Variants in IGF1 observed in about 807,000 individuals in gnomAD.
The protein encoded by IGF1 is insulin-like growth factor 1.
In IGF1, 4 loss-of-function variants were observed where a neutral mutation model predicts 13.8. The observed-to-expected ratio is 0.29, with a 90% confidence interval of 0.14 to 0.66. The LOEUF (loss-of-function observed/expected upper bound fraction) is 0.66, where lower values mean the gene tolerates loss of function less well. IGF1 is among the 30% of genes least tolerant of loss of function. The pLI, the probability that IGF1 is intolerant of heterozygous loss-of-function variation, is 0.78. For synonymous variants in IGF1, 76 were observed against 72.6 expected (o/e 1.05, Z -0.23); for missense variants, 124 against 188.5 (o/e 0.66, Z 2.00).
chr12:102,441,824 G>C (rs985015829), intron 2 of IGF1, among the ~76,000 whole-genome samples: 1 of 151,884 alleles, frequency 6.6e-6, no homozygotes, highest in South Asian at 2.1e-4. Flanking sequence ...TTATTTATTT[G>C]TCTCAGGCCA....
chr12:102,469,335 A>G (rs1880545705), intron 2 of IGF1, among the ~76,000 whole-genome samples: 1 of 152,174 alleles, frequency 6.6e-6, no homozygotes, highest in Admixed American at 6.5e-5. Context: ...AGTTGCAAGT[A>G]ATGAAGCACT....
At chr12:102,441,958 T>TTCTTCTTCTTCTTCCTC (rs1180940405) in intron 2 of IGF1, among the ~76,000 whole-genome samples, 1 of 41,162 alleles carries the variant, frequency 2.4e-5, no homozygotes, top group Admixed American at 4.0e-4. Context: ...TCTTCTTCTT[T>TTCTTCTTCTTCTTCCTC]TTTTTTTTTG....
chr12:102,458,737 A>AAAAAAAAAAAC (rs1879650781), intron 2 of IGF1, among the ~76,000 whole-genome samples: 1 of 147,088 alleles, frequency 6.8e-6, no homozygotes, highest in Non-Finnish European at 1.5e-5. Context: ...GACCAAAAAA[A>AAAAAAAAAAAC]AAAAAAAAAA....
chr12:102,417,826 C>CT, intron 3 of IGF1: 1 of 1,613,612 alleles, frequency 6.2e-7, no homozygotes, highest in South Asian at 1.1e-5. Flanking sequence ...CTTCATTTTC[C>CT]TTTTTTGCCT....
chr12:102,477,076 T>A (rs1881094148), intron 1 of IGF1, among the ~76,000 whole-genome samples: 1 of 151,760 alleles, frequency 6.6e-6, no homozygotes, highest in African/African-American at 2.4e-5. Flanking sequence ...AAGAAGAGCA[T>A]TTTTTTTGAA....
chr12:102,474,984 G>A lies in IGF1; in HGVS notation c.220+659C>T, dbSNP rs5742622. On this transcript the variant is annotated intron_variant, in intron 2 of 3. Coordinates refer to ENST00000337514, the MANE Select transcript of IGF1 (RefSeq NM_000618.5). ...TTTCCAGATGGTGATATCATTGATG[G>A]GTCCCGGAGAAGAACTATGCCAAAA... is the stretch of plus-strand genomic sequence containing the variant. 1.9e-3 allele frequency among the ~76,000 whole-genome samples: 295 copies of A among 152,208 alleles called. 1 individual carries two copies. The highest frequency in any genetic ancestry group is 5.2e-3 in the African/African-American group (218 of 41,524).
chr12:102,427,468 A>C (rs1876311032), intron 2 of IGF1, among the ~76,000 whole-genome samples: 1 of 152,114 alleles, frequency 6.6e-6, no homozygotes, highest in Non-Finnish European at 1.5e-5. Context: ...TTTCTCTCTA[A>C]AGTCTTTCAT....
chr12:102,428,027 A>G (rs1876363865), intron 2 of IGF1, among the ~76,000 whole-genome samples: 1 of 151,720 alleles, frequency 6.6e-6, no homozygotes, highest in African/African-American at 2.4e-5. Context: ...CAGAGAGGGA[A>G]TAAAAACAAG....
rs1453619270 is a variant in IGF1, at chr12:102,401,000, A to ATAGC, written c.*1503_*1506dup. On this transcript the variant is annotated 3_prime_UTR_variant, in exon 4 of 4. Coordinates refer to ENST00000337514, the MANE Select transcript of IGF1 (RefSeq NM_000618.5). ...AACAACTAGTTGGCCAGTTATTTGG[A>ATAGC]TAGCTTCACTGACAAGAACTGAGAT... 6.6e-6 allele frequency: 1 copy of ATAGC among 152,194 alleles called. No homozygotes were observed. The highest frequency in any genetic ancestry group is 2.4e-5 in the African/African-American group (1 of 41,448). 9.4% of individuals were successfully genotyped at this position (152,194 alleles called of 1,614,324 possible).
chr12:102,417,620 A>G (rs1047665036), intron 3 of IGF1: 26 of 1,323,800 alleles, frequency 2.0e-5, no homozygotes, highest in South Asian at 4.6e-5. Flanking sequence ...TTTCTAGGGC[A>G]TTACATTTTT....
chr12:102,480,485 A>G lies in IGF1; in HGVS notation c.-104T>C, dbSNP rs544709867. On this transcript the variant is annotated 5_prime_UTR_variant, in exon 1 of 4. Transcript: ENST00000337514. ...ATGTTGAGAGCAATGTCACATTTCA[A>G]TTTTGAGGACTTTATTCCATTGCGC... is the stretch of plus-strand genomic sequence containing the variant. 1.0e-5 allele frequency: 16 copies of G among 1,583,394 alleles called. No homozygotes were observed. In the African/African-American group the frequency reaches 1.9e-4, roughly 19 times the overall value.
intron 2 of IGF1, among the ~76,000 whole-genome samples, chr12:102,440,205 GTTCTC>G (rs1877594092): frequency 6.6e-6 from 1 of 152,124 alleles, no homozygotes; most frequent in Non-Finnish European, 1.5e-5. Flanking sequence ...GAGCTCAATT[GTTCTC>G]TTCTGAATGG....
At chr12:102,455,221 C>G (rs1478956017) in intron 2 of IGF1, among the ~76,000 whole-genome samples, 1 of 152,228 alleles carries the variant, frequency 6.6e-6, no homozygotes, top group Non-Finnish European at 1.5e-5. Context: ...AGCTGTTTGG[C>G]TTCTCAATAG....
intron 3 of IGF1, among the ~76,000 whole-genome samples, chr12:102,404,942 A>G (rs915888837): frequency 1.2e-4 from 18 of 151,876 alleles, no homozygotes; most frequent in African/African-American, 4.1e-4. Flanking sequence ...ACTTTTTAGT[A>G]GAGATGGGGT....
chr12:102,453,075 T>C (rs984672072), intron 2 of IGF1, among the ~76,000 whole-genome samples: 4 of 152,198 alleles, frequency 2.6e-5, no homozygotes, highest in African/African-American at 9.7e-5. Context: ...AGGAGTCTTC[T>C]CAGAAATCCT....
chr12:102,405,953 A>G (rs988629955), intron 3 of IGF1, among the ~76,000 whole-genome samples: 1 of 152,244 alleles, frequency 6.6e-6, no homozygotes, highest in African/African-American at 2.4e-5. Flanking sequence ...TCAAAGCACA[A>G]GGTATAAAGT....
Position 102,461,162 on chromosome 12 carries a change from C to A in IGF1, c.220+14481G>T, listed in dbSNP as rs1397399793. Among the ~76,000 whole-genome samples, 3 of 152,244 alleles carry A rather than the reference C, an allele frequency of 2.0e-5. No homozygotes were observed. In the East Asian group the frequency reaches 5.8e-4, roughly 29 times the overall value. ...CTTTTTATTGTCATTTCAAGAAATA[C>A]AAGTTAAAAACTGGTCCTCTCTCAC... On this transcript the variant is annotated intron_variant, in intron 2 of 3. Coordinates refer to ENST00000337514, the MANE Select transcript of IGF1 (RefSeq NM_000618.5).
intron 2 of IGF1, among the ~76,000 whole-genome samples, chr12:102,451,000 T>G (rs1191016324): frequency 6.6e-6 from 1 of 152,200 alleles, no homozygotes; most frequent in South Asian, 2.1e-4. Context: ...AGTCTGATGG[T>G]GTCAGTGGAT....
At chr12:102,434,457 TGTCCCTACAAAG>T (rs1877035511) in intron 2 of IGF1, among the ~76,000 whole-genome samples, 1 of 150,982 alleles carries the variant, frequency 6.6e-6, no homozygotes, top group South Asian at 2.1e-4. Flanking sequence ...ATTTCATCCA[TGTCCCTACAAAG>T]GACATGAACT....
Sources: allele counts gnomAD v4.1 joint callset (sites outside exome capture counted in the v4.1 genomes callset), GRCh38; gene constraint gnomAD v4.1.1; transcripts MANE v1.5; gene names NCBI Gene and HGNC (gene_info 2026-07-23, HGNC 2026-07-21).